CACNB2: variants seen among roughly 807,000 people sequenced by gnomAD.
The protein encoded by CACNB2 is voltage-dependent L-type calcium channel subunit beta-2.
Under a neutral mutation model 73.3 loss-of-function variants are expected in CACNB2, and 42 were observed. The ratio of observed to expected loss-of-function variants is 0.57; its 90% confidence interval spans 0.45 to 0.74. The LOEUF (loss-of-function observed/expected upper bound fraction) is 0.74, where lower values mean the gene tolerates loss of function less well. Among genes scored for constraint, CACNB2 ranks in the 30% least tolerant of loss-of-function variants. CACNB2 has a pLI of 0.00. For synonymous variants in CACNB2, 348 were observed against 310.3 expected (o/e 1.12, Z -1.28); for missense variants, 940 against 853.0 (o/e 1.10, Z -1.27).
chr10:18,486,996 G>A (rs74118218), intron 3 of CACNB2, among the ~76,000 whole-genome samples: 2,537 of 152,268 alleles, frequency 0.017, 64 homozygotes, highest in African/African-American at 0.058. Flanking sequence ...TCCCAAGTGC[G>A]TCATCTGGTT....
At chr10:18,205,627 A>T (rs889037729) in intron 2 of CACNB2, among the ~76,000 whole-genome samples, 1 of 152,178 alleles carries the variant, frequency 6.6e-6, no homozygotes, top group Non-Finnish European at 1.5e-5. Flanking sequence ...AATTCCATTC[A>T]CAAATATGAA....
intron 2 of CACNB2, among the ~76,000 whole-genome samples, chr10:18,179,461 G>A (rs1267577901): frequency 6.6e-5 from 10 of 152,168 alleles, no homozygotes; most frequent in African/African-American, 2.4e-4. Context: ...CCTGGTCATT[G>A]CTGAATAAAA....
intron 3 of CACNB2, among the ~76,000 whole-genome samples, chr10:18,476,932 A>G (rs1031056479): frequency 3.3e-5 from 5 of 152,106 alleles, no homozygotes; most frequent in African/African-American, 1.2e-4. Context: ...AGACAGGAGA[A>G]TCACTTGAAC....
chr10:18,490,125 G>A (rs1448616452), intron 3 of CACNB2, among the ~76,000 whole-genome samples: 3 of 152,098 alleles, frequency 2.0e-5, no homozygotes, highest in African/African-American at 7.2e-5. Context: ...CAATCCACCT[G>A]CCTCTGATTA....
intron 2 of CACNB2, among the ~76,000 whole-genome samples, chr10:18,192,100 C>T (rs978365943): frequency 6.6e-6 from 1 of 151,334 alleles, no homozygotes; most frequent in Non-Finnish European, 1.5e-5. Flanking sequence ...CTGAAAAAAT[C>T]GTCTCCTCTG....
chr10:18,236,003 T>C (rs2036428966), intron 2 of CACNB2, among the ~76,000 whole-genome samples: 1 of 152,210 alleles, frequency 6.6e-6, no homozygotes, highest in Non-Finnish European at 1.5e-5. Context: ...TCCAGCCATG[T>C]AACATGGCTG....
chr10:18,426,341 A>T (rs191701637), intron 3 of CACNB2, among the ~76,000 whole-genome samples: 8 of 152,282 alleles, frequency 5.3e-5, no homozygotes, highest in African/African-American at 1.9e-4. Context: ...AGATATGTTA[A>T]TTTTTTAGTT....
chr10:18,422,851 A>G (rs1200473779), intron 3 of CACNB2, among the ~76,000 whole-genome samples: 3 of 152,126 alleles, frequency 2.0e-5, no homozygotes, highest in African/African-American at 7.2e-5. Flanking sequence ...GGCATGCGAC[A>G]CCACACCCAG....
chr10:18,248,178 C>T (rs2036941419), intron 2 of CACNB2, among the ~76,000 whole-genome samples: 3 of 152,166 alleles, frequency 2.0e-5, no homozygotes, highest in Non-Finnish European at 4.4e-5. Context: ...AGTAGAAAAG[C>T]CCCACTTTTC....
intron 2 of CACNB2, among the ~76,000 whole-genome samples, chr10:18,342,452 ATCTGTG>A (rs780564317): frequency 2.6e-5 from 4 of 152,226 alleles, no homozygotes; most frequent in Non-Finnish European, 5.9e-5. Context: ...GCATAGCAAG[ATCTGTG>A]TCTACAGAAA....
Position 18,238,720 on chromosome 10 carries a change from A to G in CACNB2, c.213+87745A>G, listed in dbSNP as rs117252503. ...AGAATGACTTCTTATTTGCCAGAGT[A>G]GCTTCATTCAGATAATAGTAATTAT... On this transcript the variant is annotated intron_variant, in intron 2 of 13. Transcript: ENST00000324631. Among the ~76,000 whole-genome samples, 384 of 152,344 alleles carry G rather than the reference A, an allele frequency of 2.5e-3. 11 individuals carry two copies. The East Asian group carries it at 0.038, about 15-fold the overall frequency.
At chr10:18,447,491 G>A (rs2046792735) in intron 3 of CACNB2, among the ~76,000 whole-genome samples, 1 of 152,182 alleles carries the variant, frequency 6.6e-6, no homozygotes, top group African/African-American at 2.4e-5. Context: ...CAAAGGCTAA[G>A]AAACAGTGGT....
chr10:18,142,336 A>T (rs955379339), intron 1 of CACNB2, among the ~76,000 whole-genome samples: 2 of 152,248 alleles, frequency 1.3e-5, no homozygotes, highest in Non-Finnish European at 2.9e-5. Flanking sequence ...TTGCTTCACA[A>T]GCCGAGTAGG....
chr10:18,190,343 A>C (rs192859527), intron 2 of CACNB2, among the ~76,000 whole-genome samples: 98 of 152,246 alleles, frequency 6.4e-4, no homozygotes, highest in African/African-American at 2.2e-3. Context: ...TATTCCCTTC[A>C]GTTACTATTC....
chr10:18,485,260 G>A (rs2132880553), intron 3 of CACNB2, among the ~76,000 whole-genome samples: 1 of 152,288 alleles, frequency 6.6e-6, no homozygotes, highest in Middle Eastern at 3.4e-3. Context: ...ATCATTGAAA[G>A]TTAGCAAGAT....
intron 2 of CACNB2, among the ~76,000 whole-genome samples, chr10:18,394,170 G>T (rs996107942): frequency 1.3e-5 from 2 of 151,764 alleles, no homozygotes; most frequent in African/African-American, 4.8e-5. Flanking sequence ...TCTTGGCCAG[G>T]CTGGTCTCGA....
intron 2 of CACNB2, among the ~76,000 whole-genome samples, chr10:18,204,299 A>ATGAAT (rs1309082741): frequency 2.6e-5 from 4 of 152,196 alleles, no homozygotes; most frequent in Middle Eastern, 3.2e-3. Context: ...TGACCTTATA[A>ATGAAT]TGAAACATAT....
chr10:18,315,526 A>AAAC (rs1554791256), intron 2 of CACNB2, among the ~76,000 whole-genome samples: 6,710 of 121,756 alleles, frequency 0.055, 545 homozygotes, highest in Non-Finnish European at 0.085. Context: ...AAAAAAAAAA[A>AAAC]AACTTTTTTT....
intron 11 of CACNB2, among the ~76,000 whole-genome samples, chr10:18,534,678 A>G (rs1284645731): frequency 2.0e-5 from 3 of 152,222 alleles, no homozygotes; most frequent in Admixed American, 2.0e-4. Flanking sequence ...TAATGTCCTT[A>G]TAAAGTAGTA....
Sources: allele counts gnomAD v4.1 joint callset (sites outside exome capture counted in the v4.1 genomes callset), GRCh38; gene constraint gnomAD v4.1.1; transcripts MANE v1.5; gene names NCBI Gene and HGNC (gene_info 2026-07-23, HGNC 2026-07-21).